DOK6: variants seen among roughly 807,000 people sequenced by gnomAD.
DOK6 encodes the protein docking protein 6.
Under a neutral mutation model 44.0 loss-of-function variants are expected in DOK6, and 22 were observed. The observed-to-expected ratio is 0.50, with a 90% CI of 0.36 to 0.71. The LOEUF is 0.71. DOK6 is among the 30% of genes least tolerant of loss of function. DOK6 has a pLI of 0.00. For synonymous variants in DOK6, 166 were observed against 145.5 expected, an observed-to-expected ratio of 1.14 and a Z score of -1.01; for missense variants, 340 against 416.4, an observed-to-expected ratio of 0.82 and a Z score of 1.60.
At chr18:69,461,073 C>T (rs866493647) in intron 1 of DOK6, among the ~76,000 whole-genome samples, 6 of 152,172 alleles carry the variant, frequency 3.9e-5, no homozygotes, top group Non-Finnish European at 7.3e-5. Flanking sequence ...ATGGCACTGA[C>T]ATCTTTGTCA....
At chr18:69,613,530 G>T (rs1984213377) in intron 3 of DOK6, among the ~76,000 whole-genome samples, 1 of 151,890 alleles carries the variant, frequency 6.6e-6, no homozygotes, top group African/African-American at 2.4e-5. Flanking sequence ...TAAATGAAGA[G>T]AAATAAAGGG....
At chr18:69,788,890 T>A (rs1298828515) in intron 7 of DOK6, among the ~76,000 whole-genome samples, 1 of 152,176 alleles carries the variant, frequency 6.6e-6, no homozygotes. Flanking sequence ...TGGAAATGTT[T>A]TCCCGTAAAT....
At chr18:69,426,562 A>G (rs547825934) in intron 1 of DOK6, among the ~76,000 whole-genome samples, 1 of 152,302 alleles carries the variant, frequency 6.6e-6, no homozygotes, top group Admixed American at 6.5e-5. Context: ...CCATATTACT[A>G]AACATTGTAG....
intron 1 of DOK6, among the ~76,000 whole-genome samples, chr18:69,431,481 G>A (rs1196820614): frequency 6.6e-6 from 1 of 152,168 alleles, no homozygotes; most frequent in Non-Finnish European, 1.5e-5. Flanking sequence ...TTCTCAGTGA[G>A]TAGAAAAACA....
At chr18:69,739,243 C>G in intron 6 of DOK6, 140 bp downstream of exon 6, 1 of 1,080,190 alleles carries the variant, frequency 9.3e-7, no homozygotes, top group East Asian at 2.5e-5. Flanking sequence ...ACCCTACCCT[C>G]TCATCTCTCT....
rs532306457 is a variant in DOK6 at position 69,646,706 on chromosome 18, G to A, written c.290-31028G>A. Among the ~76,000 whole-genome samples the A allele has an allele frequency of 3.4e-4, 52 of 152,130 alleles. No individual in the cohort carries two copies. In the South Asian group the frequency reaches 1.0e-2, roughly 29 times the overall value. ...GCTTCCTTTTCCTTTACCACCAAAC[G>A]TCTAAAGGATGCATCCCTCTGCTCT... On this transcript the variant is annotated intron_variant, in intron 3 of 7. Coordinates refer to ENST00000382713, the MANE Select transcript of DOK6 (RefSeq NM_152721.6).
At chr18:69,689,251 G>A (rs1986214848) in intron 4 of DOK6, among the ~76,000 whole-genome samples, 4 of 152,168 alleles carry the variant, frequency 2.6e-5, no homozygotes, top group Non-Finnish European at 4.4e-5. Flanking sequence ...AGCATTACAT[G>A]TCTTGCTGTG....
chr18:69,505,335 A>G (rs1006621652), intron 1 of DOK6, among the ~76,000 whole-genome samples: 2 of 151,988 alleles, frequency 1.3e-5, no homozygotes, highest in African/African-American at 4.8e-5. Context: ...GGTAACTACT[A>G]TCTAATTCCA....
intron 1 of DOK6, among the ~76,000 whole-genome samples, chr18:69,463,464 T>C (rs1979841724): frequency 1.3e-5 from 2 of 152,046 alleles, no homozygotes; most frequent in Admixed American, 6.5e-5. Context: ...TGGCTTCTCC[T>C]GCTCCCTCTT....
At chr18:69,530,640 C>T (rs1981959049) in intron 1 of DOK6, among the ~76,000 whole-genome samples, 1 of 152,076 alleles carries the variant, frequency 6.6e-6, no homozygotes, top group Non-Finnish European at 1.5e-5. Flanking sequence ...TTGAAAAGGA[C>T]TTTCAGAAGT....
intron 1 of DOK6, among the ~76,000 whole-genome samples, chr18:69,436,680 T>C (rs1024164634): frequency 3.3e-5 from 5 of 152,220 alleles, no homozygotes; most frequent in African/African-American, 4.8e-5. Flanking sequence ...TACCCAGTAA[T>C]GGAACTGCTG....
At chr18:69,492,483 T>C (rs922429023) in intron 1 of DOK6, among the ~76,000 whole-genome samples, 2 of 152,104 alleles carry the variant, frequency 1.3e-5, no homozygotes, top group East Asian at 3.9e-4. Context: ...GTTATATGAG[T>C]AAATTGCCTG....
At chr18:69,527,525 C>T (rs904217816) in intron 1 of DOK6, among the ~76,000 whole-genome samples, 3 of 152,222 alleles carry the variant, frequency 2.0e-5, no homozygotes, top group African/African-American at 4.8e-5. Context: ...GATTCAACCA[C>T]CTCCCACTGG....
intron 1 of DOK6, among the ~76,000 whole-genome samples, chr18:69,449,916 C>A (rs887447702): frequency 1.3e-5 from 2 of 149,116 alleles, no homozygotes; most frequent in Admixed American, 6.8e-5. Flanking sequence ...CTGTACATCA[C>A]CATCATCAAA....
chr18:69,444,172 T>C (rs1026022565), intron 1 of DOK6, among the ~76,000 whole-genome samples: 2 of 152,164 alleles, frequency 1.3e-5, no homozygotes, highest in African/African-American at 4.8e-5. Context: ...GCTGAGCTCA[T>C]GGAGGATCAA....
In DOK6 at chr18:69,757,867, T is replaced by A. The variant is rs764482877; in HGVS notation, c.850T>A (p.Leu284Met). ...GAACAGCGTTGGTGAAATCTACAGT[T>A]TGCAAGGCAAGTCACTTTAATGTAA... is the stretch of plus-strand genomic sequence containing the variant. ...RQNSVGEIYSLQGHGFGSSKM... is the reference protein window; with the variant it reads ...RQNSVGEIYSMQGHGFGSSKM... Residue 284 changes from leucine (L) to methionine (M), a missense_variant, in exon 7 of 8, where the codon TTG becomes ATG. This residue lies in a region of DOK6 where 112 missense variants were observed against 109.3 expected (regional missense o/e 1.02). Coordinates refer to ENST00000382713, the MANE Select transcript of DOK6 (RefSeq NM_152721.6). The A allele has an allele frequency of 9.9e-6, 16 of 1,613,870 alleles. 1 individual carries two copies. In the South Asian group the frequency reaches 1.6e-4, roughly 17 times the overall value.
intron 1 of DOK6, among the ~76,000 whole-genome samples, chr18:69,494,810 C>G (rs1980835012): frequency 6.6e-6 from 1 of 152,164 alleles, no homozygotes; most frequent in Non-Finnish European, 1.5e-5. Context: ...TTTAATCATA[C>G]TGTTGCAGGA....
rs1220212640 is a variant in DOK6 at position 69,847,306 on chromosome 18, T to TA, written c.*5927dup. ...TTAGGATGATTTTAGACTGTGAGCA[T>TA]AAAATCAACCCTTTCTGTCAGCACA... On this transcript the variant is annotated 3_prime_UTR_variant, in exon 8 of 8. Coordinates refer to ENST00000382713, the MANE Select transcript of DOK6 (RefSeq NM_152721.6). 6.6e-6 allele frequency: 1 copy of TA among 152,204 alleles called. No homozygotes were observed. Among genetic ancestry groups the TA allele is most frequent in the East Asian group, 1.9e-4 (1 of 5,198 alleles). The allele number at this position is 152,204 out of a possible 1,614,324, so 9.4% of individuals were successfully genotyped here.
At chr18:69,669,624 A>C (rs1287920930) in intron 3 of DOK6, among the ~76,000 whole-genome samples, 1 of 152,014 alleles carries the variant, frequency 6.6e-6, no homozygotes, top group Non-Finnish European at 1.5e-5. Context: ...TGGTGGATCT[A>C]ATCTTTCTGG....
Sources: allele counts gnomAD v4.1 joint callset (sites outside exome capture counted in the v4.1 genomes callset), GRCh38; gene constraint gnomAD v4.1.1; regional missense constraint gnomAD v4.1.1; transcripts MANE v1.5; gene names NCBI Gene and HGNC (gene_info 2026-07-23, HGNC 2026-07-21).